The following PDE4D variants were observed in gnomAD, a reference collection of about 807,000 sequenced individuals.
The protein encoded by PDE4D is phosphodiesterase 4D.
A neutral mutation model predicts 87.4 loss-of-function variants in PDE4D; 24 were observed. That is an observed-to-expected ratio of 0.27 (90% CI 0.20 to 0.39). PDE4D has a LOEUF of 0.39. PDE4D is among the 10% of genes least tolerant of loss of function. PDE4D has a pLI of 1.00. For synonymous variants in PDE4D, 384 were observed against 383.2 expected (o/e 1.00, Z -0.02); for missense variants, 714 against 1,041.0 (o/e 0.69, Z 4.32).
At chr5:59,823,226 G>C (rs962751107) in intron 1 of PDE4D, among the ~76,000 whole-genome samples, 4 of 152,118 alleles carry the variant, frequency 2.6e-5, no homozygotes, top group African/African-American at 9.7e-5. Context: ...TCAAACTCAT[G>C]TCCCTTTCGC....
At chr5:60,442,248 T>C (rs1442115279) in intron 1 of PDE4D, among the ~76,000 whole-genome samples, 1 of 152,176 alleles carries the variant, frequency 6.6e-6, no homozygotes, top group Admixed American at 6.5e-5. Context: ...TACCATGGAA[T>C]ACTATGCGGT....
At chr5:59,535,761 T>C (rs1417009676) in intron 1 of PDE4D, among the ~76,000 whole-genome samples, 1 of 152,174 alleles carries the variant, frequency 6.6e-6, no homozygotes. Flanking sequence ...TGGGTAAATA[T>C]AGTTTTTAAA....
intron 1 of PDE4D, among the ~76,000 whole-genome samples, chr5:59,363,281 T>C (rs964401892): frequency 6.6e-6 from 1 of 152,178 alleles, no homozygotes; most frequent in Non-Finnish European, 1.5e-5. Flanking sequence ...GTATACTATA[T>C]ATTATCCTCA....
At chr5:59,551,170 T>C (rs1818050702) in intron 1 of PDE4D, among the ~76,000 whole-genome samples, 1 of 151,632 alleles carries the variant, frequency 6.6e-6, no homozygotes. Context: ...GCTTTCTCGC[T>C]CTAGTGATAT....
chr5:60,047,910 AG>A (rs1769508831), intron 2 of PDE4D, among the ~76,000 whole-genome samples: 2 of 151,792 alleles, frequency 1.3e-5, no homozygotes, highest in Admixed American at 1.3e-4. Context: ...GTTCAATTCC[AG>A]GGTATCCTTG....
intron 1 of PDE4D, among the ~76,000 whole-genome samples, chr5:59,862,743 G>T (rs942524895): frequency 6.6e-6 from 1 of 152,046 alleles, no homozygotes; most frequent in African/African-American, 2.4e-5. Context: ...TTTTTTTCCT[G>T]CGGAAAAGTT....
rs191436661 is a variant in PDE4D at position 60,027,402 on chromosome 5, C to G, written c.43-38685G>C. 1.2e-4 allele frequency among the ~76,000 whole-genome samples: 19 copies of G among 152,248 alleles called. No individual in the cohort carries two copies. The East Asian group carries it at 3.7e-3, about 29-fold the overall frequency. Reference sequence around the variant, plus strand: ...CATCCATGTTGCTGAAAGGACATGACTTTGTTCTTTTTTATGATTGCATAA... The same window carrying G: ...CATCCATGTTGCTGAAAGGACATGAGTTTGTTCTTTTTTATGATTGCATAA... On this transcript the variant is annotated intron_variant, in intron 2 of 16. Transcript: ENST00000502484.
chr5:60,234,748 A>C (rs1356859072), intron 1 of PDE4D, among the ~76,000 whole-genome samples: 1 of 151,916 alleles, frequency 6.6e-6, no homozygotes, highest in African/African-American at 2.4e-5. Context: ...TGGAATTTCT[A>C]CTTCTTATTG....
At chr5:59,863,785 C>T (rs1398977529) in intron 1 of PDE4D, among the ~76,000 whole-genome samples, 2 of 152,000 alleles carry the variant, frequency 1.3e-5, no homozygotes, top group Middle Eastern at 3.2e-3. Context: ...TTTTTTTTAA[C>T]ATAACTTATG....
chr5:59,913,478 G>C (rs931669665), intron 3 of PDE4D, among the ~76,000 whole-genome samples: 3 of 151,978 alleles, frequency 2.0e-5, no homozygotes, highest in African/African-American at 7.2e-5. Context: ...GAGAGAAAAA[G>C]GAAGATATAC....
At chr5:59,091,941 T>C (rs1768826513) in intron 5 of PDE4D, among the ~76,000 whole-genome samples, 2 of 152,144 alleles carry the variant, frequency 1.3e-5, no homozygotes, top group Non-Finnish European at 2.9e-5. Flanking sequence ...TCTCCTTAAA[T>C]GACATGCATT....
At chr5:60,379,470 G>C (rs1259153973) in intron 1 of PDE4D, among the ~76,000 whole-genome samples, 1 of 152,204 alleles carries the variant, frequency 6.6e-6, no homozygotes, top group Non-Finnish European at 1.5e-5. Context: ...TTCTTGGGAA[G>C]TGCAAAGCAG....
intron 1 of PDE4D, among the ~76,000 whole-genome samples, chr5:59,635,193 A>G (rs1472975336): frequency 6.6e-6 from 1 of 152,220 alleles, no homozygotes; most frequent in Admixed American, 6.5e-5. Flanking sequence ...ACCAGAAAGA[A>G]GTGGAATCCC....
At chr5:59,768,614 T>C in intron 1 of PDE4D, 1 of 1,540,818 alleles carries the variant, frequency 6.5e-7, no homozygotes, top group Non-Finnish European at 8.7e-7. Flanking sequence ...CTGCTGCTGT[T>C]AGTGCATTCA....
chr5:60,102,795 G>C (rs974201814), intron 2 of PDE4D, among the ~76,000 whole-genome samples: 11 of 152,152 alleles, frequency 7.2e-5, no homozygotes, highest in African/African-American at 2.4e-4. Context: ...CAATTTGCTT[G>C]GGCACAAACC....
At chr5:59,283,387 T>C (rs1158960558) in intron 1 of PDE4D, among the ~76,000 whole-genome samples, 7 of 152,302 alleles carry the variant, frequency 4.6e-5, no homozygotes, top group African/African-American at 1.7e-4. Flanking sequence ...ATCTAAGGTT[T>C]TTTTCTCTTA....
intron 1 of PDE4D, among the ~76,000 whole-genome samples, chr5:59,771,433 A>AAAAGAGAG: frequency 1.1e-5 from 1 of 93,900 alleles, no homozygotes; most frequent in Non-Finnish European, 2.1e-5. Context: ...AAGAAAAAGA[A>AAAAGAGAG]AAAGAAAGAA....
intron 1 of PDE4D, among the ~76,000 whole-genome samples, chr5:60,341,775 A>G (rs1758341185): frequency 6.6e-6 from 1 of 152,042 alleles, no homozygotes; most frequent in Non-Finnish European, 1.5e-5. Flanking sequence ...ATAAGGATGT[A>G]CAAAACTCAG....
chr5:59,749,725 A>G (rs1006835140), intron 1 of PDE4D, among the ~76,000 whole-genome samples: 1 of 152,142 alleles, frequency 6.6e-6, no homozygotes, highest in Non-Finnish European at 1.5e-5. Context: ...TGGGTGATTC[A>G]TTCAGACTTA....
Sources: gnomAD v4.1 joint callset for allele counts (sites outside exome capture counted in the v4.1 genomes callset) on GRCh38, gnomAD v4.1.1 for gene constraint, MANE v1.5 for transcripts, NCBI Gene and HGNC (gene_info 2026-07-23, HGNC 2026-07-21) for gene names.